CHRM3: variants seen among roughly 807,000 people sequenced by gnomAD.
The protein encoded by CHRM3 is muscarinic acetylcholine receptor M3.
CHRM3 carries 11 observed loss-of-function variants against 41.8 expected under a neutral mutation model. The ratio of observed to expected loss-of-function variants is 0.26; its 90% CI spans 0.17 to 0.44. The LOEUF (loss-of-function observed/expected upper bound fraction) is 0.44. Among genes scored for constraint, CHRM3 ranks in the 20% least tolerant of loss-of-function variants. The pLI is 1.00. For synonymous variants in CHRM3, 297 were observed against 301.4 expected (o/e 0.99, Z 0.15); for missense variants, 571 against 745.4 (o/e 0.77, Z 2.72).
intron 3 of CHRM3, among the ~76,000 whole-genome samples, chr1:239,571,768 T>C (rs1661852571): frequency 6.6e-6 from 1 of 152,190 alleles, no homozygotes; most frequent in Non-Finnish European, 1.5e-5. Context: ...CAACTCCAAA[T>C]GAAAGGGGCC....
intron 3 of CHRM3, among the ~76,000 whole-genome samples, chr1:239,602,240 G>A (rs1418462031): frequency 2.6e-5 from 4 of 151,324 alleles, no homozygotes; most frequent in South Asian, 4.2e-4. Flanking sequence ...GTTCACGCCC[G>A]TCTTCCGCCT....
At chr1:239,708,468 A>G (rs1022010322) in intron 5 of CHRM3, among the ~76,000 whole-genome samples, 7 of 152,132 alleles carry the variant, frequency 4.6e-5, no homozygotes, top group Non-Finnish European at 8.8e-5. Flanking sequence ...AACACCCTCC[A>G]GTGGCTTCCC....
chr1:239,637,605 AG>A (rs1670614199), intron 4 of CHRM3, among the ~76,000 whole-genome samples: 1 of 142,772 alleles, frequency 7.0e-6, no homozygotes, highest in Admixed American at 7.3e-5. Context: ...TGAGTCTGAA[AG>A]CCTTTGCTCT....
At chr1:239,709,279 C>G (rs985529316) in intron 5 of CHRM3, among the ~76,000 whole-genome samples, 4 of 152,144 alleles carry the variant, frequency 2.6e-5, no homozygotes, top group African/African-American at 9.7e-5. Flanking sequence ...GTTATTTTGT[C>G]TAATACTTTT....
At chr1:239,618,245 G>A (rs966021735) in intron 3 of CHRM3, among the ~76,000 whole-genome samples, 2 of 146,134 alleles carry the variant, frequency 1.4e-5, no homozygotes, top group African/African-American at 2.5e-5. Context: ...ATAGACATGT[G>A]AATAGAGAGT....
At chr1:239,476,463 CAA>C (rs71567246) in intron 1 of CHRM3, among the ~76,000 whole-genome samples, 22 of 117,624 alleles carry the variant, frequency 1.9e-4, no homozygotes, top group Non-Finnish European at 1.7e-4. Flanking sequence ...AGACTCCATC[CAA>C]AAAAAAAAAA....
chr1:239,886,162 G>T (rs1371135528), intron 6 of CHRM3: 3 of 152,186 alleles, frequency 2.0e-5, no homozygotes, highest in Non-Finnish European at 4.4e-5. Flanking sequence ...TGGTTGTTGA[G>T]ACAGAAACTG....
At chr1:239,529,609 C>CAAAAAAAAAAAAAAAAAAA in intron 2 of CHRM3, among the ~76,000 whole-genome samples, 1 of 110,838 alleles carries the variant, frequency 9.0e-6, no homozygotes, top group Admixed American at 1.0e-4. Context: ...GACTCCGTCT[C>CAAAAAAAAAAAAAAAAAAA]AAAAAAAAAA....
chr1:239,566,400 T>C (rs974953188), intron 3 of CHRM3, among the ~76,000 whole-genome samples: 15 of 152,190 alleles, frequency 9.9e-5, no homozygotes, highest in Non-Finnish European at 5.9e-5. Context: ...ATCATGGTAA[T>C]AGGAGGTAGC....
At chr1:239,570,851 A>G (rs1005943563) in intron 3 of CHRM3, among the ~76,000 whole-genome samples, 2 of 152,160 alleles carry the variant, frequency 1.3e-5, no homozygotes, top group South Asian at 2.1e-4. Context: ...GAGATGGAGT[A>G]AAAATATTTC....
At chr1:239,766,750 C>T (rs753884470) in intron 5 of CHRM3, among the ~76,000 whole-genome samples, 4 of 150,884 alleles carry the variant, frequency 2.7e-5, no homozygotes, top group Non-Finnish European at 5.9e-5. Context: ...CTTGCTCTGT[C>T]ACCCAGGCTG....
intron 1 of CHRM3, among the ~76,000 whole-genome samples, chr1:239,478,531 G>A (rs1666610465): frequency 6.6e-6 from 1 of 152,164 alleles, no homozygotes; most frequent in African/African-American, 2.4e-5. Flanking sequence ...GGTAGACAAT[G>A]TGAATCAACA....
chr1:239,660,012 G>A (rs1673045838), intron 4 of CHRM3, among the ~76,000 whole-genome samples: 1 of 152,192 alleles, frequency 6.6e-6, no homozygotes, highest in South Asian at 2.1e-4. Flanking sequence ...CCAGGCTGGA[G>A]TGCAGTGGTA....
intron 4 of CHRM3, among the ~76,000 whole-genome samples, chr1:239,642,709 G>C (rs1264504285): frequency 2.0e-5 from 3 of 152,192 alleles, no homozygotes; most frequent in East Asian, 3.9e-4. Context: ...CCTTTGGTTT[G>C]AATTTCCTCC....
chr1:239,529,609 C>CAAAAAA (rs74990447), intron 2 of CHRM3, among the ~76,000 whole-genome samples: 4 of 110,830 alleles, frequency 3.6e-5, no homozygotes, highest in East Asian at 3.0e-4. Context: ...GACTCCGTCT[C>CAAAAAA]AAAAAAAAAA....
chr1:239,728,023 CT>C (rs1663609787), intron 5 of CHRM3, among the ~76,000 whole-genome samples: 2 of 152,002 alleles, frequency 1.3e-5, no homozygotes, highest in Non-Finnish European at 2.9e-5. Flanking sequence ...TAATCAACTC[CT>C]TTTCACACAA....
In CHRM3 at chr1:239,547,576, G is replaced by T. The variant is rs550932274; in HGVS notation, c.-313+1827G>T. 2.0e-3 allele frequency among the ~76,000 whole-genome samples: 305 copies of T among 152,318 alleles called. 1 individual carries two copies. The highest frequency in any genetic ancestry group is 3.8e-3 in the Non-Finnish European group (256 of 68,026). ...TGAGAAATAAAAGGGAAATGATTATGATATAGTCCATACTGCCTTTGTTCA... is the reference window on the plus strand; with the variant it reads ...TGAGAAATAAAAGGGAAATGATTATTATATAGTCCATACTGCCTTTGTTCA... On this transcript the variant is annotated intron_variant, in intron 3 of 6. Transcript: ENST00000676153.
intron 2 of CHRM3, among the ~76,000 whole-genome samples, chr1:239,545,430 C>A (rs748754553): frequency 1.1e-4 from 16 of 152,060 alleles, no homozygotes; most frequent in Non-Finnish European, 2.2e-4. Flanking sequence ...ATAAAATTCA[C>A]CCGTGTAACC....
intron 6 of CHRM3, among the ~76,000 whole-genome samples, chr1:239,838,987 GA>G (rs1294699832): frequency 1.3e-5 from 2 of 152,218 alleles, no homozygotes; most frequent in Non-Finnish European, 2.9e-5. Context: ...CATGGATGGG[GA>G]TAGGTTTTCT....
Sources: gnomAD v4.1 joint callset for allele counts (sites outside exome capture counted in the v4.1 genomes callset) on GRCh38, gnomAD v4.1.1 for gene constraint, MANE v1.5 for transcripts, NCBI Gene and HGNC (gene_info 2026-07-23, HGNC 2026-07-21) for gene names.